SOX5: variants seen among roughly 807,000 people sequenced by gnomAD.
SOX5 encodes the protein transcription factor SOX-5.
Under a neutral mutation model 92.0 loss-of-function variants are expected in SOX5, and 9 were observed. The observed-to-expected ratio is 0.10, with a 90% CI of 0.06 to 0.17. The LOEUF (loss-of-function observed/expected upper bound fraction) is 0.17. SOX5 is among the 10% of genes least tolerant of loss of function. SOX5 has a pLI of 1.00. For synonymous variants in SOX5, 344 were observed against 336.3 expected (o/e 1.02, Z -0.25); for missense variants, 642 against 944.5 (o/e 0.68, Z 4.20).
At chr12:23,780,040 C>T (rs1172563191) in intron 3 of SOX5, among the ~76,000 whole-genome samples, 3 of 148,934 alleles carry the variant, frequency 2.0e-5, no homozygotes, top group East Asian at 4.0e-4. Flanking sequence ...TGTGATGATA[C>T]AAGCACCTTT....
At chr12:23,842,423 T>TATAC (rs1486275463) in intron 3 of SOX5, among the ~76,000 whole-genome samples, 2 of 152,212 alleles carry the variant, frequency 1.3e-5, no homozygotes, top group East Asian at 3.9e-4. Context: ...TTTATAGATA[T>TATAC]ATACATATAT....
chr12:24,271,809 C>G (rs1309546004), intron 3 of SOX5, among the ~76,000 whole-genome samples: 1 of 152,202 alleles, frequency 6.6e-6, no homozygotes, highest in Non-Finnish European at 1.5e-5. Flanking sequence ...TATTGTCTCT[C>G]ATTTGCCTAC....
intron 6 of SOX5, among the ~76,000 whole-genome samples, chr12:23,731,887 A>G (rs1161420598): frequency 6.6e-6 from 1 of 152,240 alleles, no homozygotes; most frequent in Non-Finnish European, 1.5e-5. Flanking sequence ...CAACAATGGT[A>G]TAAAACATCT....
intron 3 of SOX5, among the ~76,000 whole-genome samples, chr12:23,799,713 A>C (rs2095628102): frequency 6.6e-6 from 1 of 152,090 alleles, no homozygotes; most frequent in Non-Finnish European, 1.5e-5. Context: ...ACAATAAAGA[A>C]AATATTTTCA....
chr12:24,049,637 A>ATTTT (rs1957362294), intron 4 of SOX5, among the ~76,000 whole-genome samples: 1 of 99,280 alleles, frequency 1.0e-5, no homozygotes, highest in African/African-American at 4.7e-5. Context: ...AATCCTTCAT[A>ATTTT]GTTTTTTTTT....
At chr12:24,550,151 T>TA (rs912493250) in intron 1 of SOX5, among the ~76,000 whole-genome samples, 5 of 152,236 alleles carry the variant, frequency 3.3e-5, no homozygotes, top group African/African-American at 1.2e-4. Context: ...GTAACTATGT[T>TA]AGAGTTATTA....
intron 13 of SOX5, among the ~76,000 whole-genome samples, chr12:23,538,777 T>C (rs1171970231): frequency 1.3e-5 from 2 of 149,768 alleles, no homozygotes; most frequent in African/African-American, 2.5e-5. Context: ...ATCCCAAAAT[T>C]CGAAAACGAA....
At chr12:24,168,963 T>A (rs1428417644) in intron 4 of SOX5, among the ~76,000 whole-genome samples, 1 of 151,830 alleles carries the variant, frequency 6.6e-6, no homozygotes, top group African/African-American at 2.4e-5. Flanking sequence ...ACAACCCAAC[T>A]TTCCAAAAAA....
rs56243419 is a variant in SOX5, at chr12:24,339,163, CCACA to C, written c.-174+29396_-174+29399del. Among the ~76,000 whole-genome samples, 709 of 140,436 alleles carry C rather than the reference CCACA, an allele frequency of 5.0e-3. 6 individuals are homozygous for C. Among genetic ancestry groups the C allele is most frequent in the African/African-American group, 0.014 (517 of 37,366 alleles). 92.1% of individuals were successfully genotyped at this position (140,436 alleles called of 152,430 possible). On this transcript the variant is annotated intron_variant, in intron 2 of 4. Transcript: ENST00000446891. ...GTTTCTCTCTCTCTCTCTCTCTCTG[CCACA>C]CACACACACACACACACACACACAC...
At chr12:23,571,143 T>C (rs1948305246) in intron 10 of SOX5, among the ~76,000 whole-genome samples, 1 of 148,198 alleles carries the variant, frequency 6.7e-6, no homozygotes, top group Admixed American at 6.8e-5. Context: ...AAAGAGTAAG[T>C]TCCTGTCTCA....
At chr12:24,128,088 G>A (rs1165594702) in intron 4 of SOX5, among the ~76,000 whole-genome samples, 1 of 152,150 alleles carries the variant, frequency 6.6e-6, no homozygotes, top group Non-Finnish European at 1.5e-5. Context: ...TCACTGGAGG[G>A]TTTATTGTTA....
chr12:24,138,766 G>T (rs1017454208), intron 4 of SOX5, among the ~76,000 whole-genome samples: 14 of 152,304 alleles, frequency 9.2e-5, no homozygotes, highest in African/African-American at 3.1e-4. Context: ...GTACACTTCA[G>T]AGACATAAAA....
chr12:24,364,652 G>T (rs906649935), intron 2 of SOX5, among the ~76,000 whole-genome samples: 10 of 151,152 alleles, frequency 6.6e-5, no homozygotes, highest in Admixed American at 6.0e-4. Flanking sequence ...CCCTAGCTAG[G>T]TTAAAATTAA....
intron 1 of SOX5, among the ~76,000 whole-genome samples, chr12:24,514,704 C>G (rs1949623542): frequency 6.6e-6 from 1 of 152,170 alleles, no homozygotes; most frequent in African/African-American, 2.4e-5. Context: ...ACATATACAC[C>G]TTGGAATACT....
chr12:24,055,018 G>A (rs1241535303), intron 4 of SOX5, among the ~76,000 whole-genome samples: 1 of 151,866 alleles, frequency 6.6e-6, no homozygotes, highest in African/African-American at 2.4e-5. Context: ...TCTGAACCTT[G>A]TGAGTCTATT....
chr12:23,966,120 T>C (rs1464757867), intron 4 of SOX5, among the ~76,000 whole-genome samples: 2 of 148,734 alleles, frequency 1.3e-5, no homozygotes, highest in African/African-American at 5.0e-5. Flanking sequence ...CCTAGGATTG[T>C]AGGGCAAGAT....
At chr12:23,609,886 G>T (rs1309795984) in intron 8 of SOX5, among the ~76,000 whole-genome samples, 1 of 152,114 alleles carries the variant, frequency 6.6e-6, no homozygotes, top group Admixed American at 6.6e-5. Flanking sequence ...CTAATCAGTA[G>T]TTTTTCTTAT....
intron 9 of SOX5, chr12:23,582,141 T>C: frequency 4.1e-6 from 4 of 985,102 alleles, no homozygotes; most frequent in Non-Finnish European, 3.6e-6. Context: ...AATTGCATAA[T>C]GTGCACTGTT....
chr12:23,740,837 A>G (rs2093770124), intron 5 of SOX5, 30 bp downstream of exon 5: 6 of 1,582,938 alleles, frequency 3.8e-6, no homozygotes, highest in Non-Finnish European at 4.3e-6. Context: ...ATGTCTGAGG[A>G]ATATGACTGC....
Sources: gnomAD v4.1 joint callset for allele counts (sites outside exome capture counted in the v4.1 genomes callset) on GRCh38, gnomAD v4.1.1 for gene constraint, MANE v1.5 for transcripts, NCBI Gene and HGNC (gene_info 2026-07-23, HGNC 2026-07-21) for gene names.